CEP43: variants seen among roughly 807,000 people sequenced by gnomAD.
CEP43 encodes FGFR1 oncogene partner.
CEP43 carries 36 observed loss-of-function variants against 52.6 expected under a neutral mutation model. The ratio of observed to expected loss-of-function variants is 0.68; its 90% CI spans 0.52 to 0.90. The LOEUF (loss-of-function observed/expected upper bound fraction) is 0.90, where lower values mean the gene tolerates loss of function less well. Among genes scored for constraint, CEP43 ranks in the 40% least tolerant of loss-of-function variants. CEP43 has a pLI of 0.00. For missense variants in CEP43, 506 were observed against 472.8 expected (o/e 1.07, Z -0.65); for synonymous variants, 192 against 172.4 (o/e 1.11, Z -0.89).
chr6:167,030,601 T>C (rs9366081), intron 10 of CEP43, among the ~76,000 whole-genome samples: 11,233 of 152,224 alleles, frequency 0.074, 507 homozygotes, highest in African/African-American at 0.12. Flanking sequence ...CAAGGACTCA[T>C]GTTTTCTTCG....
At position 167,049,461 on chromosome 6, in the gene CEP43, C is replaced by G. The variant is rs1488667873; in HGVS notation, c.*9483C>G. The G allele has an allele frequency of 6.6e-6, 1 of 152,246 alleles. No homozygotes were observed. The highest frequency in any genetic ancestry group is 1.5e-5 in the Non-Finnish European group (1 of 68,036). The allele number at this position is 152,246 out of a possible 1,614,324, so 9.4% of individuals were successfully genotyped here. A position where few individuals can be genotyped will look rare whatever the true frequency, so the allele number is the denominator to read the frequency against. On this transcript the variant is annotated 3_prime_UTR_variant, in exon 13 of 13. Coordinates refer to ENST00000366847, the MANE Select transcript of CEP43 (RefSeq NM_007045.4). ...GACATTACATATAAACGGAATTATA[C>G]ACTATGTGGCCTTTTATGACTGGCT... is the stretch of plus-strand genomic sequence containing the variant.
At chr6:167,003,305 A>G (rs371106282) in intron 3 of CEP43, 58 bp downstream of exon 3, 1 of 940,128 alleles carries the variant, frequency 1.1e-6, no homozygotes, top group African/African-American at 1.7e-5. Flanking sequence ...TCTTGATACC[A>G]TTTGGGAGAA....
intron 10 of CEP43, chr6:167,028,457 C>A (rs1300077168): frequency 2.0e-6 from 2 of 984,996 alleles, no homozygotes; most frequent in African/African-American, 3.5e-5. Context: ...TGTCATTTAG[C>A]TAGGCATTAG....
chr6:167,016,779 A>G (rs1199375652), intron 7 of CEP43, among the ~76,000 whole-genome samples: 3 of 152,056 alleles, frequency 2.0e-5, no homozygotes, highest in African/African-American at 4.8e-5. Context: ...TTACTTCTCT[A>G]AATAATTCAT....
chr6:167,022,983 G>T (rs1780272384), intron 8 of CEP43, among the ~76,000 whole-genome samples: 1 of 152,174 alleles, frequency 6.6e-6, no homozygotes, highest in Non-Finnish European at 1.5e-5. Flanking sequence ...TGTGTGGGGT[G>T]ATGAGAGCAG....
chr6:167,050,781 G>GAAAAAAAAAAAAAAAAAAAA lies in CEP43; in HGVS notation c.*10807_*10826dup, dbSNP rs61698763. Reference sequence around the variant, plus strand: ...GGGTGACAGAGTGAGACTCAAAAAAGAAAAAAAAAAAAAAAAAAAAAAAGA... The same window carrying GAAAAAAAAAAAAAAAAAAAA: ...GGGTGACAGAGTGAGACTCAAAAAAGAAAAAAAAAAAAAAAAAAAAAAAAAAAAAAAAAAAAAAAAAAAGA... On this transcript the variant is annotated 3_prime_UTR_variant, in exon 13 of 13. Coordinates refer to ENST00000366847, the MANE Select transcript of CEP43 (RefSeq NM_007045.4). 1.0e-5 allele frequency: 1 copy of GAAAAAAAAAAAAAAAAAAAA among 96,404 alleles called. No homozygotes were observed. 6.0% of individuals were successfully genotyped at this position (96,404 alleles called of 1,614,324 possible).
Position 167,010,834 on chromosome 6 carries a change from G to A in CEP43, c.460G>A (p.Val154Ile). 6.3e-7 allele frequency: 1 copy of A among 1,587,996 alleles called. No homozygotes were observed. Among genetic ancestry groups the A allele is most frequent in the African/African-American group, 1.4e-5 (1 of 73,920 alleles). ...TTAGGGTGCACTTGATCTATCTGATGTACATTCTCCACCAAAGTCACCAGA... is the reference window on the plus strand; with the variant it reads ...TTAGGGTGCACTTGATCTATCTGATATACATTCTCCACCAAAGTCACCAGA... ...TGEGALDLSD[V>I]HSPPKSPEGK... Residue 154 changes from valine (V) to isoleucine (I), a missense_variant, in exon 6 of 13, where the codon GTA becomes ATA. By Grantham distance (29) the Val-to-Ile change is conservative. Transcript: ENST00000366847.
In CEP43 at chr6:167,022,635, T is replaced by A; in HGVS notation, c.806T>A (p.Leu269Ter). Residue 269 changes from leucine to a stop codon, truncating the protein, a stop_gained and splice_region_variant, in exon 8 of 13, where the codon TTG (leucine) becomes TAG (stop). Coordinates refer to ENST00000366847, the MANE Select transcript of CEP43 (RefSeq NM_007045.4). LOFTEE classifies it high-confidence loss of function. ...PIPKPEKTYGLRKEPRKQAGS... is the reference protein window; with the variant it reads ...PIPKPEKTYG Reference sequence around the variant, plus strand: ...CCTAAGCCAGAGAAAACTTACGGTTTGTGAGTAAATGGTTTTTGAGCTATG... The same window carrying A: ...CCTAAGCCAGAGAAAACTTACGGTTAGTGAGTAAATGGTTTTTGAGCTATG... 6.2e-7 allele frequency: 1 copy of A among 1,600,328 alleles called. No individual in the cohort carries two copies. Among genetic ancestry groups the A allele is most frequent in the South Asian group, 1.1e-5 (1 of 90,672 alleles).
intron 6 of CEP43, among the ~76,000 whole-genome samples, chr6:167,011,943 G>A (rs1296999321): frequency 6.6e-6 from 1 of 152,102 alleles, no homozygotes; most frequent in East Asian, 1.9e-4. Context: ...GGGGTTTGTG[G>A]ACTACACAAA....
intron 7 of CEP43, 74 bp downstream of exon 7, chr6:167,013,641 C>A: frequency 8.3e-7 from 1 of 1,199,656 alleles, no homozygotes; most frequent in East Asian, 2.3e-5. Flanking sequence ...TCCTGGAGCG[C>A]TGGGCTCCTG....
chr6:167,005,900 C>T (rs774965971), intron 5 of CEP43, among the ~76,000 whole-genome samples: 13 of 152,284 alleles, frequency 8.5e-5, no homozygotes, highest in Non-Finnish European at 1.8e-4. Flanking sequence ...TGGCTCACCT[C>T]ATTGCAGTGG....
rs1322815030 is a variant in CEP43 at position 167,042,892 on chromosome 6, G to A, written c.*2914G>A. 1 of 146,796 alleles carries A rather than the reference G, an allele frequency of 6.8e-6. No individual in the cohort carries two copies. Among genetic ancestry groups the A allele is most frequent in the African/African-American group, 2.5e-5 (1 of 39,826 alleles). The allele number at this position is 146,796 out of a possible 1,614,324, so 9.1% of individuals were successfully genotyped here. On this transcript the variant is annotated 3_prime_UTR_variant, in exon 13 of 13. Coordinates refer to ENST00000366847, the MANE Select transcript of CEP43 (RefSeq NM_007045.4). ...TTTTCTTTTAAACTGCTGTGTACCT[G>A]GCACAACATTTGTCCCCTAGTATGA...
At chr6:167,010,216 C>T (rs1357304203) in intron 5 of CEP43, among the ~76,000 whole-genome samples, 1 of 152,206 alleles carries the variant, frequency 6.6e-6, no homozygotes, top group Non-Finnish European at 1.5e-5. Flanking sequence ...AAAACCTCCT[C>T]CTTGGCATTA....
Position 167,052,309 on chromosome 6 carries a change from T to A in CEP43, c.*12331T>A, listed in dbSNP as rs1028877654. On this transcript the variant is annotated 3_prime_UTR_variant, in exon 13 of 13. Coordinates refer to ENST00000366847, the MANE Select transcript of CEP43 (RefSeq NM_007045.4). ...TTCTACTTATTTATATAATTTTATG[T>A]TTTTTAAAGAACCTGAGACTGGAAG... 2.4e-4 allele frequency: 36 copies of A among 152,278 alleles called. No homozygotes were observed. The highest frequency in any genetic ancestry group is 7.9e-4 in the African/African-American group (33 of 41,538). The allele number at this position is 152,278 out of a possible 1,614,324, so 9.4% of individuals were successfully genotyped here.
chr6:167,022,289 CACACACAA>C, intron 7 of CEP43, 112 bp from the exon 8 acceptor site: 1 of 664,668 alleles, frequency 1.5e-6, no homozygotes, highest in Non-Finnish European at 2.5e-6. Context: ...CACACACACA[CACACACAA>C]AGGTTGCACA....
In CEP43 at chr6:167,040,278, G is replaced by T. The variant is rs1201213419; in HGVS notation, c.*300G>T. The T allele has an allele frequency of 9.5e-6, 14 of 1,476,920 alleles. No homozygotes were observed. Among genetic ancestry groups the T allele is most frequent in the African/African-American group, 2.8e-5 (2 of 70,818 alleles). The allele number at this position is 1,476,920 out of a possible 1,614,324, so 91.5% of individuals were successfully genotyped here. ...ACCCATGAAAACATCAGTGTTAAGA[G>T]CATGATGAAAGGTGTCAATAAAGCC... On this transcript the variant is annotated 3_prime_UTR_variant, in exon 13 of 13. Coordinates refer to ENST00000366847, the MANE Select transcript of CEP43 (RefSeq NM_007045.4).
In CEP43 at chr6:167,046,261, TAAC is replaced by T. The variant is rs1780794799; in HGVS notation, c.*6285_*6287del. On this transcript the variant is annotated 3_prime_UTR_variant, in exon 13 of 13. Coordinates refer to ENST00000366847, the MANE Select transcript of CEP43 (RefSeq NM_007045.4). The stretch of plus-strand genomic sequence containing the variant: ...TTCACTTATTTGATCTACCCCAACT[TAAC>T]ACACATTTCCAAGAAAATATCCATC... 6.6e-6 allele frequency: 1 copy of T among 151,552 alleles called. No individual in the cohort carries two copies. The highest frequency in any genetic ancestry group is 1.5e-5 in the Non-Finnish European group (1 of 67,980). 9.4% of individuals were successfully genotyped at this position (151,552 alleles called of 1,614,324 possible).
At chr6:167,013,601 C>A (rs369921670) in intron 7 of CEP43, 34 bp downstream of exon 7, 1 of 1,590,990 alleles carries the variant, frequency 6.3e-7, no homozygotes. Flanking sequence ...GAAAAGCAGC[C>A]TGTGGGCATC....
intron 8 of CEP43, 56 bp downstream of exon 8, chr6:167,022,691 T>C: frequency 8.9e-7 from 1 of 1,118,802 alleles, no homozygotes; most frequent in East Asian, 2.4e-5. Context: ...AGATAAATGT[T>C]TTCATTTTAT....
Sources: allele counts gnomAD v4.1 joint callset (sites outside exome capture counted in the v4.1 genomes callset), GRCh38; gene constraint gnomAD v4.1.1; transcripts MANE v1.5; gene names NCBI Gene and HGNC (gene_info 2026-07-23, HGNC 2026-07-21).